TP53BP2: variants seen among roughly 807,000 people sequenced by gnomAD.
TP53BP2 encodes tumor protein p53 binding protein 2.
TP53BP2 carries 62 observed loss-of-function variants against 126.2 expected under a neutral mutation model. The observed-to-expected ratio is 0.49, with a 90% CI of 0.40 to 0.61. The LOEUF is 0.61. Among genes scored for constraint, TP53BP2 ranks in the 20% least tolerant of loss-of-function variants. TP53BP2 has a pLI of 0.00. For synonymous variants in TP53BP2, 485 were observed against 502.9 expected (o/e 0.96, Z 0.48); for missense variants, 1,215 against 1,402.8 (o/e 0.87, Z 2.14).
chr1:223,819,277 G>A (rs780439017), intron 2 of TP53BP2, among the ~76,000 whole-genome samples: 12 of 152,062 alleles, frequency 7.9e-5, no homozygotes, highest in Non-Finnish European at 1.6e-4. Flanking sequence ...AGAGGAATAA[G>A]TGGGATCAAA....
At chr1:223,814,654 T>G (rs1663025439) in intron 2 of TP53BP2, among the ~76,000 whole-genome samples, 1 of 152,196 alleles carries the variant, frequency 6.6e-6, no homozygotes. Context: ...TTAACTTCTG[T>G]GGTTCCAAAA....
rs61533251 is a variant in TP53BP2, at chr1:223,786,581, CGT to C, written c.3164-2269_3164-2268del. ...ATATATGTGTGTGTGTGCGTGTGTGCGTGTGTGTGTGTGTGTGTGTGTGTGTA... is the reference window on the plus strand; with the variant it reads ...ATATATGTGTGTGTGTGCGTGTGTGCGTGTGTGTGTGTGTGTGTGTGTGTA... On this transcript the variant is annotated intron_variant, in intron 16 of 17. Coordinates refer to ENST00000343537, the MANE Select transcript of TP53BP2 (RefSeq NM_001031685.3). 3.8e-3 allele frequency among the ~76,000 whole-genome samples: 546 copies of C among 144,404 alleles called. 3 individuals are homozygous for C. The highest frequency in any genetic ancestry group is 7.8e-3 in the African/African-American group (306 of 38,990). The allele number at this position is 144,404 out of a possible 152,430, so 94.7% of individuals were successfully genotyped here.
In TP53BP2 at chr1:223,835,558, C is replaced by A. The variant is rs143457429; in HGVS notation, c.27+10096G>T. 7.5e-3 allele frequency among the ~76,000 whole-genome samples: 1,149 copies of A among 152,310 alleles called. 18 individuals carry two copies. Among genetic ancestry groups the A allele is most frequent in the African/African-American group, 0.026 (1,063 of 41,570 alleles). ...TTTTACTTTTACTCACTAAGCACTACATTTTTAAGATCTATCCGTGATGAT... is the reference window on the plus strand; with the variant it reads ...TTTTACTTTTACTCACTAAGCACTAAATTTTTAAGATCTATCCGTGATGAT... On this transcript the variant is annotated intron_variant, in intron 1 of 17. Coordinates refer to ENST00000343537, the MANE Select transcript of TP53BP2 (RefSeq NM_001031685.3).
chr1:223,802,701 C>T (rs756511507), intron 8 of TP53BP2, 30 bp downstream of exon 8: 1 of 1,612,600 alleles, frequency 6.2e-7, no homozygotes, highest in Non-Finnish European at 8.5e-7. Flanking sequence ...TTCCCTCCTC[C>T]CCAAAACCAT....
chr1:223,821,663 T>C (rs141070564), intron 1 of TP53BP2, among the ~76,000 whole-genome samples: 2 of 152,322 alleles, frequency 1.3e-5, no homozygotes, highest in Non-Finnish European at 1.5e-5. Flanking sequence ...CAAATACTTA[T>C]ATATGCTGGA....
In TP53BP2 at chr1:223,803,113, A is replaced by G. The variant is rs1002066477; in HGVS notation, c.831+158T>C. ...TCAAATTTCCTGTCTAGGGTACTAT[A>G]AAGTTTACTCTGGATTCTCTGGAGT... On this transcript the variant is annotated intron_variant, in intron 7 of 17. Transcript: ENST00000343537. The G allele has an allele frequency of 2.0e-5, 20 of 1,011,534 alleles. No homozygotes were observed. The Admixed American group carries it at 3.2e-4, about 16-fold the overall frequency. 62.7% of individuals were successfully genotyped at this position (1,011,534 alleles called of 1,614,324 possible). A position where few individuals can be genotyped will look rare whatever the true frequency, so the allele number is the denominator to read the frequency against.
intron 16 of TP53BP2, among the ~76,000 whole-genome samples, chr1:223,787,159 G>A (rs1661997460): frequency 6.6e-6 from 1 of 152,132 alleles, no homozygotes; most frequent in Admixed American, 6.5e-5. Context: ...GCCTCCCAAA[G>A]TGTTGGGATT....
chr1:223,792,923 C>T (rs761251111), intron 14 of TP53BP2, among the ~76,000 whole-genome samples: 11 of 151,054 alleles, frequency 7.3e-5, no homozygotes, highest in Non-Finnish European at 1.5e-4. Flanking sequence ...AAGTAGAGAC[C>T]GCATCTCTAA....
At chr1:223,829,262 A>G (rs1302506335) in intron 1 of TP53BP2, among the ~76,000 whole-genome samples, 1 of 152,290 alleles carries the variant, frequency 6.6e-6, no homozygotes, top group East Asian at 1.9e-4. Context: ...TGAGTCCAGG[A>G]GATCACTGCA....
chr1:223,784,173 T>C lies in TP53BP2; in HGVS notation c.3305A>G (p.Glu1102Gly). Residue 1102 changes from glutamate to glycine, a missense_variant, in exon 17 of 18, where the codon GAA (glutamate) becomes GGA (glycine). Glu to Gly is a moderately conservative substitution (Grantham distance 98). Coordinates refer to ENST00000343537, the MANE Select transcript of TP53BP2 (RefSeq NM_001031685.3). ...IIHREDEDEI[E>G]WWWARLNDKE... is the part of the protein sequence containing the mutation. ...ATCATTAAGGCGCGCCCACCACCAT[T>C]CGATTTCATCTTCGTCTTCCCTGTG... 6.2e-7 allele frequency: 1 copy of C among 1,614,164 alleles called. No homozygotes were observed. The highest frequency in any genetic ancestry group is 8.5e-7 in the Non-Finnish European group (1 of 1,180,032).
Position 223,806,947 on chromosome 1 carries a change from C to T in TP53BP2, c.373G>A (p.Val125Ile). The T allele has an allele frequency of 6.2e-7, 1 of 1,608,780 alleles. No individual in the cohort carries two copies. The highest frequency in any genetic ancestry group is 1.1e-5 in the South Asian group (1 of 90,576). Residue 125 changes from valine to isoleucine, a missense_variant and splice_region_variant, in exon 5 of 18, where the codon GTT (valine) becomes ATT (isoleucine). Physicochemically the swap from Val to Ile is conservative, Grantham distance 29 (BLOSUM62 3). Coordinates refer to ENST00000343537, the MANE Select transcript of TP53BP2 (RefSeq NM_001031685.3). Reference sequence around the variant, plus strand: ...GTCAGATCCATCCTAGGACTATTAACCTACAAGTAAAAACACAAATAAACA... The same window carrying T: ...GTCAGATCCATCCTAGGACTATTAATCTACAAGTAAAAACACAAATAAACA... ...PGEYRRKENG[V>I]NSPRMDLTLA...
intron 2 of TP53BP2, among the ~76,000 whole-genome samples, chr1:223,820,628 C>T (rs1253800706): frequency 6.6e-6 from 1 of 152,102 alleles, no homozygotes; most frequent in African/African-American, 2.4e-5. Flanking sequence ...ATCTGGCATC[C>T]CCAGAGGTGA....
intron 1 of TP53BP2, among the ~76,000 whole-genome samples, chr1:223,832,591 T>C (rs542052124): frequency 2.0e-5 from 3 of 152,204 alleles, no homozygotes; most frequent in Non-Finnish European, 4.4e-5. Flanking sequence ...GGGGATTAAA[T>C]TAAGATATAA....
At position 223,802,337 on chromosome 1, in the gene TP53BP2, G is replaced by T. The variant is rs370505462; in HGVS notation, c.1004C>A (p.Ser335Tyr). 19 of 1,613,838 alleles carry T rather than the reference G, an allele frequency of 1.2e-5. No homozygotes were observed. In the African/African-American group the frequency reaches 1.9e-4, roughly 16 times the overall value. Residue 335 changes from serine to tyrosine, a missense_variant, in exon 9 of 18, where the codon TCT becomes TAT. Physicochemically the swap from Ser to Tyr is moderately radical, Grantham distance 144. Around this residue, in one of 4 missense-constraint regions of TP53BP2, gnomAD observed 814 missense variants for 853.0 expected, o/e 0.95. Coordinates refer to ENST00000343537, the MANE Select transcript of TP53BP2 (RefSeq NM_001031685.3). ...LQQKENLPVS[S>Y]DGNLPQQAAS... Reference sequence around the variant, plus strand: ...GGCTTGCTGGGGAAGATTTCCATCAGATGAAACCTTAGGAAAGAAGCACAG... The same window carrying T: ...GGCTTGCTGGGGAAGATTTCCATCATATGAAACCTTAGGAAAGAAGCACAG...
At chr1:223,807,870 T>C (rs959657956) in intron 4 of TP53BP2, among the ~76,000 whole-genome samples, 18 of 152,206 alleles carry the variant, frequency 1.2e-4, no homozygotes, top group African/African-American at 4.3e-4. Context: ...TATTCTCAAA[T>C]TGATTCAACA....
intron 9 of TP53BP2, 166 bp downstream of exon 9, chr1:223,801,950 T>C: frequency 1.7e-6 from 1 of 580,800 alleles, no homozygotes; most frequent in Non-Finnish European, 2.9e-6. Flanking sequence ...ACAACCAGGG[T>C]ATCAATTTTA....
In TP53BP2 at chr1:223,821,683, C is replaced by G. The variant is rs1271987157; in HGVS notation, c.28-316G>C. ...ACTTATATATGCTGGACCCATACTA[C>G]AAATATATCTTCCTGTCAATCCTGT... On this transcript the variant is annotated intron_variant, in intron 1 of 17. Coordinates refer to ENST00000343537, the MANE Select transcript of TP53BP2 (RefSeq NM_001031685.3). 2.6e-5 allele frequency among the ~76,000 whole-genome samples: 4 copies of G among 152,180 alleles called. No individual in the cohort carries two copies. The East Asian group carries it at 7.7e-4, about 29-fold the overall frequency.
At chr1:223,807,501 AAAAAAG>A (rs1662765254) in intron 4 of TP53BP2, among the ~76,000 whole-genome samples, 1 of 141,172 alleles carries the variant, frequency 7.1e-6, no homozygotes, top group African/African-American at 3.2e-5. Flanking sequence ...CCAGATTGGT[AAAAAAG>A]AAGTTCAACT....
At chr1:223,837,164 G>C (rs1413656983) in intron 1 of TP53BP2, among the ~76,000 whole-genome samples, 1 of 81,994 alleles carries the variant, frequency 1.2e-5, no homozygotes, top group South Asian at 3.9e-4. Flanking sequence ...AAGGGGGGGG[G>C]CGGGGGGTCA....
Sources: gnomAD v4.1 joint callset for allele counts (sites outside exome capture counted in the v4.1 genomes callset) on GRCh38, gnomAD v4.1.1 for gene constraint, gnomAD v4.1.1 regional missense constraint, MANE v1.5 for transcripts, NCBI Gene and HGNC (gene_info 2026-07-23, HGNC 2026-07-21) for gene names.